ZNF425: variants seen among roughly 807,000 people sequenced by gnomAD.
ZNF425 encodes the protein zinc finger protein 425.
Under a neutral mutation model 17.0 loss-of-function variants are expected in ZNF425, and 21 were observed. The observed-to-expected ratio is 1.23, with a 90% CI of 0.88 to 1.78. The LOEUF (loss-of-function observed/expected upper bound fraction) is 1.78, where lower values mean the gene tolerates loss of function less well. Ranked by LOEUF, ZNF425 falls within the 40% of genes most tolerant of loss-of-function variation. ZNF425 has a pLI of 0.00. For synonymous variants in ZNF425, 433 were observed against 384.1 expected (o/e 1.13, Z -1.49); for missense variants, 868 against 967.3 (o/e 0.90, Z 1.36).
At chr7:149,120,019 G>A (rs115786860) in intron 1 of ZNF425, among the ~76,000 whole-genome samples, 2,168 of 152,218 alleles carry the variant, frequency 0.014, 18 homozygotes, top group African/African-American at 0.026. Context: ...ACAGACAACT[G>A]CATCCCATCA....
chr7:149,112,275 C>A lies in ZNF425; in HGVS notation c.166G>T (p.Asp56Tyr). 4 of 1,613,766 alleles carry A rather than the reference C, an allele frequency of 2.5e-6. No individual in the cohort carries two copies. The highest frequency in any genetic ancestry group is 3.4e-6 in the Non-Finnish European group (4 of 1,179,840). ...CCTTGTTCCATCCATGTGATCAAAT[C>A]TGGCTTGGAAAAAGCATACCCTGCA... ...DSLGYAFSKP[D>Y]LITWMEQGRM... The change falls in exon 3 of 4, where the codon GAT (aspartate) becomes TAT (tyrosine). Residue 56 changes from aspartate to tyrosine, a missense_variant. Transcript: ENST00000378061.
chr7:149,123,301 C>A (rs1018488001), intron 1 of ZNF425, among the ~76,000 whole-genome samples: 1 of 152,136 alleles, frequency 6.6e-6, no homozygotes, highest in African/African-American at 2.4e-5. Context: ...TGACAGCCTA[C>A]TAGCAAAGTA....
chr7:149,124,528 TG>T (rs985085616), intron 1 of ZNF425, among the ~76,000 whole-genome samples: 24 of 149,302 alleles, frequency 1.6e-4, no homozygotes, highest in Admixed American at 4.1e-4. Flanking sequence ...CATATTTTTT[TG>T]TTGTTGTTGT....
At chr7:149,112,590 G>A (rs181369975) in intron 2 of ZNF425, among the ~76,000 whole-genome samples, 10 of 152,256 alleles carry the variant, frequency 6.6e-5, no homozygotes, top group Admixed American at 2.6e-4. Flanking sequence ...TAGAGATCGC[G>A]CCTCTGCACC....
At position 149,125,974 on chromosome 7, in the gene ZNF425, G is replaced by T. The variant is rs573707527; in HGVS notation, c.18+222C>A. The T allele has an allele frequency of 7.6e-6, 7 of 925,710 alleles. No individual in the cohort carries two copies. The South Asian group carries it at 1.1e-4, about 15-fold the overall frequency. 57.3% of individuals were successfully genotyped at this position (925,710 alleles called of 1,614,324 possible). A position where few individuals can be genotyped will look rare whatever the true frequency, so the allele number is the denominator to read the frequency against. On this transcript the variant is annotated intron_variant, in intron 1 of 3. Coordinates refer to ENST00000378061, the MANE Select transcript of ZNF425 (RefSeq NM_001001661.3). ...AGTGGCCGGGGCCACAGACGCGCGCGGCCAAGCCCGGCCAGACCAGCTTTT... is the reference window on the plus strand; with the variant it reads ...AGTGGCCGGGGCCACAGACGCGCGCTGCCAAGCCCGGCCAGACCAGCTTTT...
chr7:149,120,487 G>A (rs2129518544), intron 1 of ZNF425, among the ~76,000 whole-genome samples: 1 of 152,302 alleles, frequency 6.6e-6, no homozygotes, highest in African/African-American at 2.4e-5. Context: ...CATCCAAGTT[G>A]TCATGTTTAC....
chr7:149,105,019 C>T lies in ZNF425; in HGVS notation c.852G>A (p.Arg284=), dbSNP rs755808740. Residue 284 remains arginine, a synonymous_variant, in exon 4 of 4, where the codon CGG becomes CGA. Transcript: ENST00000378061. ...YPCPECDKTF[R]YRANLKKHLC... ...GGTGCTTCTTCAGGTTGGCCCTGTA[C>T]CGGAAGGTCTTGTCGCACTCAGGGC... is the stretch of plus-strand genomic sequence containing the variant. 30 of 1,614,208 alleles carry T rather than the reference C, an allele frequency of 1.9e-5. 1 individual carries two copies. In the South Asian group the frequency reaches 3.0e-4, roughly 16 times the overall value.
Position 149,126,319 on chromosome 7 carries a change from G to T in ZNF425, c.-106C>A, listed in dbSNP as rs573771845. ...CTGGCCCCCAAAGGCAGAGCCGGCCGGGCGCGGTGCATGCTGGGACTCGGC... is the reference window on the plus strand; with the variant it reads ...CTGGCCCCCAAAGGCAGAGCCGGCCTGGCGCGGTGCATGCTGGGACTCGGC... On this transcript the variant is annotated 5_prime_UTR_variant, in exon 1 of 4. Coordinates refer to ENST00000378061, the MANE Select transcript of ZNF425 (RefSeq NM_001001661.3). The T allele has an allele frequency of 3.4e-6, 5 of 1,480,636 alleles. 1 individual carries two copies. Among genetic ancestry groups the T allele is most frequent in the South Asian group, 2.7e-5 (2 of 74,390 alleles). 91.7% of individuals were successfully genotyped at this position (1,480,636 alleles called of 1,614,324 possible).
intron 1 of ZNF425, chr7:149,118,766 G>C (rs1189363155): frequency 1.9e-5 from 5 of 266,752 alleles, no homozygotes; most frequent in Non-Finnish European, 3.8e-5. Flanking sequence ...AGTGAGTTGA[G>C]ATCCTGCCAC....
chr7:149,113,684 T>C (rs1389622738), intron 2 of ZNF425, among the ~76,000 whole-genome samples: 1 of 151,626 alleles, frequency 6.6e-6, no homozygotes, highest in Non-Finnish European at 1.5e-5. Flanking sequence ...CCCGAGTAGC[T>C]GGGACTACAG....
chr7:149,114,281 T>A (rs1224585676), intron 2 of ZNF425, among the ~76,000 whole-genome samples: 1 of 148,332 alleles, frequency 6.7e-6, no homozygotes, highest in African/African-American at 2.5e-5. Flanking sequence ...ACCAAGTTGG[T>A]CAGGCTGGTC....
chr7:149,115,785 G>C (rs1229993712), intron 2 of ZNF425, among the ~76,000 whole-genome samples: 2 of 152,020 alleles, frequency 1.3e-5, no homozygotes, highest in African/African-American at 4.8e-5. Flanking sequence ...GGTGGTGTCA[G>C]CTACAGCTCA....
At chr7:149,114,250 T>A (rs1826221099) in intron 2 of ZNF425, among the ~76,000 whole-genome samples, 1 of 149,936 alleles carries the variant, frequency 6.7e-6, no homozygotes, top group African/African-American at 2.5e-5. Flanking sequence ...TTTTTGGTAT[T>A]TTTAGTAGAG....
rs1334955272 is a variant in ZNF425 at position 149,104,990 on chromosome 7, C to A, written c.881G>T (p.Cys294Phe). 2 of 1,614,046 alleles carry A rather than the reference C, an allele frequency of 1.2e-6. No homozygotes were observed. The highest frequency in any genetic ancestry group is 2.7e-5 in the African/African-American group (2 of 74,924). ...RYRANLKKHL[C>F]LHRGERPFCC... ...GAACGGCCGCTCCCCGCGGTGTAGA[C>A]ACAGGTGCTTCTTCAGGTTGGCCCT... Residue 294 changes from cysteine (C) to phenylalanine (F), a missense_variant, in exon 4 of 4, where the codon TGT becomes TTT. Physicochemically the swap from Cys to Phe is radical, Grantham distance 205 (BLOSUM62 -2). Transcript: ENST00000378061. The surrounding 1 kb of genome is among the most constrained non-coding windows in gnomAD (Gnocchi z 4.3).
chr7:149,103,877 G>C lies in ZNF425; in HGVS notation c.1994C>G (p.Pro665Arg). 1 of 1,614,106 alleles carries C rather than the reference G, an allele frequency of 6.2e-7. No homozygotes were observed. Residue 665 changes from proline (P) to arginine (R), a missense_variant, in exon 4 of 4, where the codon CCC becomes CGC. By Grantham distance (103) the Pro-to-Arg change is moderately radical. Around this residue, in one of 5 missense-constraint regions of ZNF425, gnomAD observed 437 missense variants for 444.2 expected, o/e 0.98. Coordinates refer to ENST00000378061, the MANE Select transcript of ZNF425 (RefSeq NM_001001661.3). ...EHIRVHSGEK[P>R]FQCPECDKSY... ...CTTGTCACACTCCGGACACTGGAAG[G>C]GCTTCTCCCCGCTGTGGACTCGAAT...
chr7:149,125,255 T>A (rs1169645058), intron 1 of ZNF425, among the ~76,000 whole-genome samples: 1 of 152,294 alleles, frequency 6.6e-6, no homozygotes, highest in Non-Finnish European at 1.5e-5. Flanking sequence ...CAAGAAAAAC[T>A]TGCACACTTA....
At chr7:149,118,630 C>A in intron 1 of ZNF425, 1 of 416,582 alleles carries the variant, frequency 2.4e-6, no homozygotes, top group Non-Finnish European at 4.6e-6. Context: ...GCCTGGCCAA[C>A]ATGGCAAAAC....
Position 149,126,084 on chromosome 7 carries a change from A to G in ZNF425, c.18+112T>C, listed in dbSNP as rs528741311. 8.1e-5 allele frequency: 127 copies of G among 1,572,852 alleles called. No homozygotes were observed. In the African/African-American group the frequency reaches 1.5e-3, roughly 19 times the overall value. ...GGAGCTCAGTCCGTGGGCCACTGCC[A>G]ACCCCCAGGCCCAGGCCCCGGCCGC... On this transcript the variant is annotated intron_variant, in intron 1 of 3. Coordinates refer to ENST00000378061, the MANE Select transcript of ZNF425 (RefSeq NM_001001661.3).
rs71525894 is a variant in ZNF425 at position 149,107,336 on chromosome 7, TA to T, written c.305-1771del. ...TGATTTATTTATTTATTTATTTATT[TA>T]TTTATTTATTTTTTTTCTGAGACAG... On this transcript the variant is annotated intron_variant, in intron 3 of 3. Coordinates refer to ENST00000378061, the MANE Select transcript of ZNF425 (RefSeq NM_001001661.3). Among the ~76,000 whole-genome samples the T allele has an allele frequency of 7.4e-3, 1,031 of 139,458 alleles. 4 individuals carry two copies. Among genetic ancestry groups the T allele is most frequent in the Non-Finnish European group, 0.012 (764 of 65,156 alleles). The allele number at this position is 139,458 out of a possible 152,430, so 91.5% of individuals were successfully genotyped here.
Sources: gnomAD v4.1 joint callset for allele counts (sites outside exome capture counted in the v4.1 genomes callset) on GRCh38, gnomAD v4.1.1 for gene constraint, gnomAD v4.1.1 regional missense constraint, Gnocchi (gnomAD v3.1) non-coding constraint, MANE v1.5 for transcripts, NCBI Gene and HGNC (gene_info 2026-07-23, HGNC 2026-07-21) for gene names.